PRELID3B: variants seen among roughly 807,000 people sequenced by gnomAD.
PRELID3B encodes PRELI domain containing 3B, also known as PRELI domain containing protein 3B.
PRELID3B carries 15 observed loss-of-function variants against 24.0 expected under a neutral mutation model. The ratio of observed to expected loss-of-function variants is 0.63; its 90% CI spans 0.42 to 0.96. PRELID3B has a LOEUF of 0.96. PRELID3B is among the 40% of genes least tolerant of loss of function. The pLI is 0.00. For synonymous variants in PRELID3B, 62 were observed against 76.0 expected (o/e 0.82, Z 0.96); for missense variants, 189 against 236.0 (o/e 0.80, Z 1.30).
chr20:59,042,461 A>G (rs2092117267), intron 1 of PRELID3B, among the ~76,000 whole-genome samples: 1 of 152,170 alleles, frequency 6.6e-6, no homozygotes, highest in Admixed American at 6.5e-5. Flanking sequence ...GTGACCCCGT[A>G]GCCCTGCCGG....
intron 1 of PRELID3B, among the ~76,000 whole-genome samples, chr20:59,039,959 C>A (rs1402641171): frequency 6.6e-6 from 1 of 152,156 alleles, no homozygotes; most frequent in East Asian, 1.9e-4. Context: ...CAAATCGAAG[C>A]ATACAGGCCA....
chr20:59,038,831 T>C (rs1288573770), intron 1 of PRELID3B, among the ~76,000 whole-genome samples, 197 bp from the exon 2 acceptor site: 1 of 152,150 alleles, frequency 6.6e-6, no homozygotes, highest in Non-Finnish European at 1.5e-5. Flanking sequence ...TCAGTATTTT[T>C]CCACAATACA....
intron 3 of PRELID3B, 24 bp from the exon 4 acceptor site, chr20:59,036,784 A>C: frequency 6.9e-7 from 1 of 1,456,162 alleles, no homozygotes; most frequent in South Asian, 1.3e-5. Flanking sequence ...AAAAAAAAAA[A>C]AGATCAAATC....
In PRELID3B at chr20:59,035,129, T is replaced by TA. The variant is rs761840073; in HGVS notation, c.466-4dup. The TA allele has an allele frequency of 5.4e-5, 86 of 1,601,940 alleles. No homozygotes were observed. The highest frequency in any genetic ancestry group is 1.7e-4 in the Middle Eastern group (1 of 6,030). On this transcript the variant is annotated splice_polypyrimidine_tract_variant and splice_region_variant and intron_variant, in intron 5 of 5. Transcript: ENST00000355937. ...ACCCATTCCATTGCTTCTCGGCCCTTAAAAAAAATCCAATACATTTATTGT... is the reference window on the plus strand; with the variant it reads ...ACCCATTCCATTGCTTCTCGGCCCTTAAAAAAAAATCCAATACATTTATTGT...
intron 1 of PRELID3B, among the ~76,000 whole-genome samples, chr20:59,041,815 G>T (rs1351477864): frequency 6.6e-6 from 1 of 152,142 alleles, no homozygotes; most frequent in Non-Finnish European, 1.5e-5. Flanking sequence ...TATTTACAAG[G>T]CTATACTAAT....
Position 59,036,543 on chromosome 20 carries a change from G to A in PRELID3B, c.393C>T (p.Thr131=), listed in dbSNP as rs1470105273. 8.7e-6 allele frequency: 14 copies of A among 1,613,930 alleles called. No homozygotes were observed. Among genetic ancestry groups the A allele is most frequent in the African/African-American group, 2.7e-5 (2 of 74,894 alleles). Residue 131 remains threonine, a synonymous_variant, in exon 5 of 6, where the codon ACC becomes ACT. Coordinates refer to ENST00000355937, the MANE Select transcript of PRELID3B (RefSeq NM_016045.3). The stretch of plus-strand genomic sequence containing the variant: ...AACTGCTGAGGCTAACTCCTTTCAC[G>A]GTAATTATGGCTTCTTGTGTCAAAA... The part of the protein sequence containing the change: ...KTVLTQEAII[T]VKGVSLSSYL...
At chr20:59,038,909 A>G (rs2092093535) in intron 1 of PRELID3B, among the ~76,000 whole-genome samples, 1 of 152,232 alleles carries the variant, frequency 6.6e-6, no homozygotes. Context: ...ACTTATCCTT[A>G]TCCACTTTCA....
chr20:59,036,522 G>A lies in PRELID3B; in HGVS notation c.414C>T (p.Ser138=), dbSNP rs1395377457. ...TTGCCATCAGTCCTTCAAGGTAACT[G>A]CTGAGGCTAACTCCTTTCACGGTAA... The part of the protein sequence containing the change: ...AIITVKGVSL[S]SYLEGLMAST... The change falls in exon 5 of 6, where the codon AGC becomes AGT. Residue 138 remains serine, a synonymous_variant. Coordinates refer to ENST00000355937, the MANE Select transcript of PRELID3B (RefSeq NM_016045.3). 2 of 1,614,032 alleles carry A rather than the reference G, an allele frequency of 1.2e-6. No individual in the cohort carries two copies. Among genetic ancestry groups the A allele is most frequent in the Non-Finnish European group, 1.7e-6 (2 of 1,180,012 alleles).
chr20:59,036,365 T>C, intron 5 of PRELID3B, 106 bp downstream of exon 5: 2 of 822,268 alleles, frequency 2.4e-6, no homozygotes, highest in Non-Finnish European at 4.1e-6. Context: ...TTTCCTATGG[T>C]AGAATGGGCA....
chr20:59,037,609 T>A (rs1325171130), intron 2 of PRELID3B, among the ~76,000 whole-genome samples: 2 of 152,182 alleles, frequency 1.3e-5, no homozygotes, highest in Non-Finnish European at 2.9e-5. Context: ...TGGGGCAACA[T>A]GGCAGCTAGA....
chr20:59,042,263 G>A (rs2092115276), intron 1 of PRELID3B, among the ~76,000 whole-genome samples: 1 of 152,264 alleles, frequency 6.6e-6, no homozygotes, highest in Non-Finnish European at 1.5e-5. Context: ...ACGGCGGCCA[G>A]GGAAAGTACA....
rs2092052628 is a variant in PRELID3B, at chr20:59,034,027, G to A, written c.*980C>T. On this transcript the variant is annotated 3_prime_UTR_variant, in exon 6 of 6. Transcript: ENST00000355937. Reference sequence around the variant, plus strand: ...ATTATTAAAAACACTAAGTACCTGGGATTTATGCCTCAGAGCAAGACATCA... The same window carrying A: ...ATTATTAAAAACACTAAGTACCTGGAATTTATGCCTCAGAGCAAGACATCA... 1 of 152,046 alleles carries A rather than the reference G, an allele frequency of 6.6e-6. No homozygotes were observed. Among genetic ancestry groups the A allele is most frequent in the African/African-American group, 2.4e-5 (1 of 41,386 alleles). The allele number at this position is 152,046 out of a possible 1,614,324, so 9.4% of individuals were successfully genotyped here. A position where few individuals can be genotyped will look rare whatever the true frequency, so the allele number is the denominator to read the frequency against.
Position 59,036,712 on chromosome 20 carries a change from G to T in PRELID3B, c.340C>A (p.Pro114Thr). 1 of 1,600,630 alleles carries T rather than the reference G, an allele frequency of 6.2e-7. No homozygotes were observed. The highest frequency in any genetic ancestry group is 8.5e-7 in the Non-Finnish European group (1 of 1,169,650). ...CACTTTTCTGGATCCTGAGGATGTGGTTTGTATATAAGTCTCTCATCTACT... is the reference window on the plus strand; with the variant it reads ...CACTTTTCTGGATCCTGAGGATGTGTTTTGTATATAAGTCTCTCATCTACT... ...VSVDERLIYK[P>T]HPQDPEKTVL... Residue 114 changes from proline to threonine, a missense_variant, in exon 4 of 6, where the codon CCA (proline) becomes ACA (threonine). Transcript: ENST00000355937.
chr20:59,036,773 G>GAAAA lies in PRELID3B; in HGVS notation c.292-17_292-14dup. On this transcript the variant is annotated splice_polypyrimidine_tract_variant and intron_variant, in intron 3 of 5. Transcript: ENST00000355937. ...TTGTAAATGAAATCTACAGAATGAA[G>GAAAA]AAAAAAAAAAAAGATCAAATCATTT... The GAAAA allele has an allele frequency of 1.8e-6, 2 of 1,109,582 alleles. No homozygotes were observed. The highest frequency in any genetic ancestry group is 1.7e-5 in the South Asian group (1 of 57,648). The allele number at this position is 1,109,582 out of a possible 1,614,324, so 68.7% of individuals were successfully genotyped here.
At chr20:59,038,921 A>G (rs1351537122) in intron 1 of PRELID3B, among the ~76,000 whole-genome samples, 1 of 152,242 alleles carries the variant, frequency 6.6e-6, no homozygotes, top group Non-Finnish European at 1.5e-5. Flanking sequence ...CCACTTTCAC[A>G]TGTAAATTGT....
rs2092120087 is a variant in PRELID3B at position 59,042,735 on chromosome 20, C to T, written c.-5G>A. On this transcript the variant is annotated 5_prime_UTR_variant, in exon 1 of 6. Coordinates refer to ENST00000355937, the MANE Select transcript of PRELID3B (RefSeq NM_016045.3). ...CTCCGAAGTCCAGATCTTCATGGTG[C>T]CGGCACCCTGAGAGATGTCCGGGTA... 2 of 1,601,780 alleles carry T rather than the reference C, an allele frequency of 1.2e-6. No homozygotes were observed.
chr20:59,042,677 C>T, intron 1 of PRELID3B, 22 bp downstream of exon 1: 2 of 1,580,652 alleles, frequency 1.3e-6, no homozygotes, highest in Non-Finnish European at 1.7e-6. Flanking sequence ...CTCCACGGAG[C>T]CGACCCGCGC....
chr20:59,035,246 G>T, intron 5 of PRELID3B, 120 bp from the exon 6 acceptor site: 1 of 876,572 alleles, frequency 1.1e-6, no homozygotes, highest in South Asian at 2.3e-5. Flanking sequence ...CAGGATGACA[G>T]ATCGTTTTTG....
In PRELID3B at chr20:59,033,545, T is replaced by C. The variant is rs2092049444; in HGVS notation, c.*1462A>G. On this transcript the variant is annotated 3_prime_UTR_variant, in exon 6 of 6. Coordinates refer to ENST00000355937, the MANE Select transcript of PRELID3B (RefSeq NM_016045.3). ...AAAAAATCAGAAACCTTATTAAATTTAACCTGCTTTTACAAATGTCCTAAG... is the reference window on the plus strand; with the variant it reads ...AAAAAATCAGAAACCTTATTAAATTCAACCTGCTTTTACAAATGTCCTAAG... The C allele has an allele frequency of 6.6e-6, 1 of 152,238 alleles. No individual in the cohort carries two copies. Among genetic ancestry groups the C allele is most frequent in the African/African-American group, 2.4e-5 (1 of 41,464 alleles). The allele number at this position is 152,238 out of a possible 1,614,324, so 9.4% of individuals were successfully genotyped here. A position where few individuals can be genotyped will look rare whatever the true frequency, so the allele number is the denominator to read the frequency against.
Sources: gnomAD v4.1 joint callset for allele counts (sites outside exome capture counted in the v4.1 genomes callset) on GRCh38, gnomAD v4.1.1 for gene constraint, MANE v1.5 for transcripts, NCBI Gene and HGNC (gene_info 2026-07-23, HGNC 2026-07-21) for gene names.